The following SENP5 variants were observed in gnomAD, a reference collection of about 807,000 sequenced individuals.
SENP5 encodes sentrin-specific protease 5.
Under a neutral mutation model 74.2 loss-of-function variants are expected in SENP5, and 21 were observed. That is an observed-to-expected ratio of 0.28 (90% CI 0.20 to 0.41). The LOEUF is 0.41. Among genes scored for constraint, SENP5 ranks in the 10% least tolerant of loss-of-function variants. The pLI is 1.00. For missense variants in SENP5, 717 were observed against 889.1 expected, an observed-to-expected ratio of 0.81 and a Z score of 2.46; for synonymous variants, 311 against 312.7, an observed-to-expected ratio of 0.99 and a Z score of 0.06.
rs116671394 is a variant in SENP5, at chr3:196,894,712, G to A, written c.1514-4954G>A. ...GCTGGCTCTATTTGCCTTAATTAGCGTAGTTTTATCATTTGACAGGACCTG... is the reference window on the plus strand; with the variant it reads ...GCTGGCTCTATTTGCCTTAATTAGCATAGTTTTATCATTTGACAGGACCTG... On this transcript the variant is annotated intron_variant, in intron 2 of 9. Coordinates refer to ENST00000323460, the MANE Select transcript of SENP5 (RefSeq NM_152699.5). Among the ~76,000 whole-genome samples the A allele has an allele frequency of 2.0e-3, 305 of 152,084 alleles. 1 individual carries two copies. Among genetic ancestry groups the A allele is most frequent in the African/African-American group, 2.8e-3 (116 of 41,516 alleles).
rs536281539 is a variant in SENP5 at position 196,869,178 on chromosome 3, G to A, written c.-32+1105G>A. 1.8e-3 allele frequency among the ~76,000 whole-genome samples: 268 copies of A among 151,720 alleles called. 2 individuals carry two copies. Among genetic ancestry groups the A allele is most frequent in the Non-Finnish European group, 2.6e-3 (178 of 67,904 alleles). On this transcript the variant is annotated intron_variant, in intron 1 of 9. Coordinates refer to ENST00000323460, the MANE Select transcript of SENP5 (RefSeq NM_152699.5). ...TGTAGAGGAGGGTGCTGGGGAGGGG[G>A]GCTTCATTTACACCTGGGCTCACAA...
At chr3:196,894,840 T>TA (rs1277874352) in intron 2 of SENP5, among the ~76,000 whole-genome samples, 1 of 152,202 alleles carries the variant, frequency 6.6e-6, no homozygotes, top group African/African-American at 2.4e-5. Flanking sequence ...TGTAATCTTT[T>TA]AAAAAAGTAT....
intron 2 of SENP5, among the ~76,000 whole-genome samples, chr3:196,894,248 C>T (rs778365014): frequency 1.3e-4 from 20 of 150,744 alleles, no homozygotes; most frequent in Non-Finnish European, 2.5e-4. Context: ...CTCAGCCTCC[C>T]GATTAGTTGG....
chr3:196,874,493 A>T (rs1254611569), intron 1 of SENP5, among the ~76,000 whole-genome samples: 3 of 151,974 alleles, frequency 2.0e-5, no homozygotes, highest in Admixed American at 6.6e-5. Flanking sequence ...CTTTTTAGAA[A>T]CCTGTTCTAG....
intron 2 of SENP5, among the ~76,000 whole-genome samples, chr3:196,894,663 C>T (rs1029730861): frequency 6.6e-6 from 1 of 151,894 alleles, no homozygotes; most frequent in Admixed American, 6.6e-5. Flanking sequence ...CACAGAGTCT[C>T]TTTGGATTTG....
At position 196,885,294 on chromosome 3, in the gene SENP5, G is replaced by A; in HGVS notation, c.113G>A (p.Cys38Tyr). 1 of 1,614,158 alleles carries A rather than the reference G, an allele frequency of 6.2e-7. No homozygotes were observed. The highest frequency in any genetic ancestry group is 8.5e-7 in the Non-Finnish European group (1 of 1,180,020). Residue 38 changes from cysteine to tyrosine, a missense_variant, in exon 2 of 10, where the codon TGC (cysteine) becomes TAC (tyrosine). Transcript: ENST00000323460. The stretch of plus-strand genomic sequence containing the variant: ...AAGTTTTATTTTCACCAACACTTGT[G>A]CATTCTGAAAGCTAAGCTGGGAAGG... ...FKKFYFHQHL[C>Y]ILKAKLGRPV...
In SENP5 at chr3:196,886,285, T is replaced by C; in HGVS notation, c.1104T>C (p.Cys368=). Residue 368 remains cysteine (C), a synonymous_variant, in exon 2 of 10, where the codon TGT becomes TGC. Coordinates refer to ENST00000323460, the MANE Select transcript of SENP5 (RefSeq NM_152699.5). ...QSSCSSPKWE[C]TELIHDIPLP... Reference sequence around the variant, plus strand: ...CCTGTTCTTCTCCTAAGTGGGAGTGTACAGAGCTGATTCATGACATCCCCT... The same window carrying C: ...CCTGTTCTTCTCCTAAGTGGGAGTGCACAGAGCTGATTCATGACATCCCCT... The C allele has an allele frequency of 6.2e-7, 1 of 1,614,120 alleles. No individual in the cohort carries two copies. The highest frequency in any genetic ancestry group is 1.1e-5 in the South Asian group (1 of 91,070).
At chr3:196,897,465 C>T (rs529963182) in intron 2 of SENP5, among the ~76,000 whole-genome samples, 207 of 152,264 alleles carry the variant, frequency 1.4e-3, no homozygotes, top group African/African-American at 4.7e-3. Flanking sequence ...TGAGAAAGGA[C>T]CTCTTTTCTG....
At chr3:196,883,498 C>G (rs1202967890) in intron 1 of SENP5, among the ~76,000 whole-genome samples, 3 of 152,124 alleles carry the variant, frequency 2.0e-5, no homozygotes, top group Non-Finnish European at 4.4e-5. Context: ...ACTGGACTAT[C>G]CTGGGTCATC....
At chr3:196,918,901 A>C (rs1262239443) in intron 6 of SENP5, among the ~76,000 whole-genome samples, 1 of 152,228 alleles carries the variant, frequency 6.6e-6, no homozygotes. Context: ...AGGTATTAAG[A>C]TAAAAATTAT....
rs11385462 is a variant in SENP5, at chr3:196,881,896, G to GTTT, written c.-31-3239_-31-3237dup. Among the ~76,000 whole-genome samples, 926 of 109,170 alleles carry GTTT rather than the reference G, an allele frequency of 8.5e-3. 62 individuals are homozygous for GTTT. The highest frequency in any genetic ancestry group is 0.047 in the East Asian group (179 of 3,838). 71.6% of individuals were successfully genotyped at this position (109,170 alleles called of 152,430 possible). On this transcript the variant is annotated intron_variant, in intron 1 of 9. Coordinates refer to ENST00000323460, the MANE Select transcript of SENP5 (RefSeq NM_152699.5). ...CTTTTGCTTCTTTGAGATAGTATTA[G>GTTT]TTTTTTTTTTTTTTTTTTGAGACAG...
chr3:196,928,574 A>C (rs1390229852), intron 8 of SENP5, among the ~76,000 whole-genome samples: 5 of 152,214 alleles, frequency 3.3e-5, no homozygotes, highest in Non-Finnish European at 7.3e-5. Context: ...CCCAAAGGAC[A>C]TCAAAACTAT....
Position 196,900,044 on chromosome 3 carries a change from G to A in SENP5, c.1740G>A (p.Gln580=). The part of the protein sequence containing the change: ...DMDDLATLDG[Q]NWLNDQVINM... ...ACGACCTGGCGACTCTGGATGGTCAGAACTGGCTGAATGACCAGGTTAGTA... is the reference window on the plus strand; with the variant it reads ...ACGACCTGGCGACTCTGGATGGTCAAAACTGGCTGAATGACCAGGTTAGTA... Residue 580 remains glutamine, a synonymous_variant, in exon 4 of 10, where the codon CAG becomes CAA. Coordinates refer to ENST00000323460, the MANE Select transcript of SENP5 (RefSeq NM_152699.5). The A allele has an allele frequency of 6.2e-7, 1 of 1,614,028 alleles. No homozygotes were observed. Among genetic ancestry groups the A allele is most frequent in the Non-Finnish European group, 8.5e-7 (1 of 1,179,992 alleles).
At chr3:196,895,010 C>G (rs1295198379) in intron 2 of SENP5, among the ~76,000 whole-genome samples, 4 of 152,160 alleles carry the variant, frequency 2.6e-5, no homozygotes, top group Non-Finnish European at 4.4e-5. Flanking sequence ...TTCCTTACTG[C>G]TGATGGGCCC....
intron 9 of SENP5, among the ~76,000 whole-genome samples, chr3:196,930,030 T>C (rs906155575): frequency 1.3e-5 from 2 of 152,008 alleles, no homozygotes; most frequent in African/African-American, 4.8e-5. Flanking sequence ...TCTGCAGGTC[T>C]TTGACACAGT....
intron 1 of SENP5, among the ~76,000 whole-genome samples, chr3:196,882,337 C>A (rs909576159): frequency 6.6e-6 from 1 of 152,070 alleles, no homozygotes; most frequent in Non-Finnish European, 1.5e-5. Flanking sequence ...CTCCAGGAAC[C>A]TTTTTATCTT....
At chr3:196,925,429 C>A (rs553642011) in intron 7 of SENP5, among the ~76,000 whole-genome samples, 2 of 152,316 alleles carry the variant, frequency 1.3e-5, no homozygotes, top group East Asian at 3.9e-4. Flanking sequence ...ATTCCCATAC[C>A]TGCCAGAGCC....
chr3:196,905,430 C>G (rs549594472), intron 6 of SENP5, among the ~76,000 whole-genome samples: 3 of 152,276 alleles, frequency 2.0e-5, no homozygotes, highest in African/African-American at 7.2e-5. Flanking sequence ...GAGTGCCCCC[C>G]ACCCACTTCA....
At chr3:196,924,388 A>G (rs531547658) in intron 7 of SENP5, among the ~76,000 whole-genome samples, 1 of 152,342 alleles carries the variant, frequency 6.6e-6, no homozygotes, top group South Asian at 2.1e-4. Context: ...CTACAAATGA[A>G]TAAGGGGAGG....
Sources: gnomAD v4.1 joint callset for allele counts (sites outside exome capture counted in the v4.1 genomes callset) on GRCh38, gnomAD v4.1.1 for gene constraint, MANE v1.5 for transcripts, NCBI Gene and HGNC (gene_info 2026-07-23, HGNC 2026-07-21) for gene names.